Variants in DENND6A observed in about 807,000 individuals in gnomAD.
DENND6A encodes protein DENND6A.
In DENND6A, 43 loss-of-function variants were observed where a neutral mutation model predicts 95.5. The observed-to-expected ratio is 0.45, with a 90% CI of 0.35 to 0.58. The LOEUF (loss-of-function observed/expected upper bound fraction) is 0.58. Ranked by LOEUF, DENND6A falls within the 20% of genes least tolerant of loss-of-function variation. The pLI is 0.00. For missense variants in DENND6A, 574 were observed against 736.0 expected, an observed-to-expected ratio of 0.78 and a Z score of 2.55; for synonymous variants, 257 against 260.4, an observed-to-expected ratio of 0.99 and a Z score of 0.13.
At chr3:57,662,192 T>C (rs867867500) in intron 5 of DENND6A, among the ~76,000 whole-genome samples, 4 of 124,116 alleles carry the variant, frequency 3.2e-5, no homozygotes, top group South Asian at 2.7e-4. Context: ...TTTCTTTTTT[T>C]TTTTTTTTTT....
intron 4 of DENND6A, among the ~76,000 whole-genome samples, chr3:57,664,026 TAAAGTC>T (rs147695813): frequency 0.38 from 58,090 of 151,426 alleles, 12,381 homozygotes; most frequent in South Asian, 0.56. Flanking sequence ...ATCTAAGTAC[TAAAGTC>T]AAATTTTCCC....
chr3:57,659,925 C>A (rs1428696619), intron 7 of DENND6A, among the ~76,000 whole-genome samples: 2 of 152,186 alleles, frequency 1.3e-5, no homozygotes, highest in Non-Finnish European at 2.9e-5. Context: ...TCTCTGGAGG[C>A]ACTGGCAGGG....
At chr3:57,682,099 T>C (rs968270292) in intron 1 of DENND6A, among the ~76,000 whole-genome samples, 2 of 152,092 alleles carry the variant, frequency 1.3e-5, no homozygotes, top group East Asian at 1.9e-4. Flanking sequence ...TCAATAACCA[T>C]TGTTAAACCA....
At position 57,625,646 on chromosome 3, in the gene DENND6A, A is replaced by G. The variant is rs576521507; in HGVS notation, c.*2568T>C. ...CATAGTAACAAATTCTTCTTAAAAA[A>G]AAAAAGACAAATCTAAAAATCACGC... On this transcript the variant is annotated 3_prime_UTR_variant, in exon 20 of 20. Coordinates refer to ENST00000311128, the MANE Select transcript of DENND6A (RefSeq NM_152678.3). 6.5e-6 allele frequency: 1 copy of G among 152,686 alleles called. No homozygotes were observed. The highest frequency in any genetic ancestry group is 1.9e-4 in the East Asian group (1 of 5,178). The allele number at this position is 152,686 out of a possible 1,614,324, so 9.5% of individuals were successfully genotyped here.
At chr3:57,634,451 A>G (rs2070750481) in intron 14 of DENND6A, 107 bp downstream of exon 14, 3 of 479,914 alleles carry the variant, frequency 6.3e-6, no homozygotes, top group African/African-American at 2.2e-5. Flanking sequence ...AAAAAAAAAA[A>G]GGAGAGATCC....
At chr3:57,657,229 C>A (rs2071344538) in intron 9 of DENND6A, among the ~76,000 whole-genome samples, 1 of 152,020 alleles carries the variant, frequency 6.6e-6, no homozygotes, top group Non-Finnish European at 1.5e-5. Flanking sequence ...TGACATTTTT[C>A]AAACATACAG....
chr3:57,684,250 A>C (rs2077192110), intron 1 of DENND6A, among the ~76,000 whole-genome samples: 1 of 151,462 alleles, frequency 6.6e-6, no homozygotes, highest in South Asian at 2.1e-4. Context: ...TCACGAGGTC[A>C]GGAGTTTGAG....
At chr3:57,636,032 A>C (rs2070784806) in intron 12 of DENND6A, among the ~76,000 whole-genome samples, 1 of 152,216 alleles carries the variant, frequency 6.6e-6, no homozygotes, top group Admixed American at 6.5e-5. Context: ...CTTTATTATA[A>C]GGATACAATA....
At chr3:57,685,748 T>A (rs554454740) in intron 1 of DENND6A, among the ~76,000 whole-genome samples, 12 of 152,258 alleles carry the variant, frequency 7.9e-5, no homozygotes, top group African/African-American at 2.4e-4. Flanking sequence ...TAAAAAAAAA[T>A]TTGTTTTTCT....
At chr3:57,680,213 T>C (rs558555482) in intron 1 of DENND6A, among the ~76,000 whole-genome samples, 2 of 152,286 alleles carry the variant, frequency 1.3e-5, no homozygotes, top group South Asian at 2.1e-4. Flanking sequence ...CAGTAATACA[T>C]CTTCACAACC....
At chr3:57,658,286 T>C (rs1467748313) in intron 8 of DENND6A, among the ~76,000 whole-genome samples, 1 of 151,940 alleles carries the variant, frequency 6.6e-6, no homozygotes, top group African/African-American at 2.4e-5. Flanking sequence ...TCCTAGCACT[T>C]TGGGAATCCA....
At chr3:57,685,891 G>A (rs557069422) in intron 1 of DENND6A, among the ~76,000 whole-genome samples, 2 of 152,150 alleles carry the variant, frequency 1.3e-5, no homozygotes, top group Non-Finnish European at 2.9e-5. Context: ...TCTCAGAGAT[G>A]CCCAGAAGTC....
chr3:57,654,757 C>A lies in DENND6A; in HGVS notation c.818+2923G>T, dbSNP rs115323610. On this transcript the variant is annotated intron_variant, in intron 9 of 19. Transcript: ENST00000311128. ...TAGTGAAAGGAGCGCCTACACTCAA[C>A]TGTATCTCTGCTACTCAAATTCAAA... The A allele has an allele frequency of 2.9e-3, 2,876 of 985,354 alleles. 76 individuals carry two copies. The African/African-American group carries it at 0.046, about 16-fold the overall frequency. The allele number at this position is 985,354 out of a possible 1,614,324, so 61.0% of individuals were successfully genotyped here. A position where few individuals can be genotyped will look rare whatever the true frequency, so the allele number is the denominator to read the frequency against.
At chr3:57,668,075 A>G (rs905458794) in intron 3 of DENND6A, among the ~76,000 whole-genome samples, 1 of 152,108 alleles carries the variant, frequency 6.6e-6, no homozygotes, top group African/African-American at 2.4e-5. Flanking sequence ...AAAAAAAAAA[A>G]TTAGACTTTT....
intron 1 of DENND6A, among the ~76,000 whole-genome samples, chr3:57,686,273 C>T (rs2077210938): frequency 6.6e-6 from 1 of 152,140 alleles, no homozygotes; most frequent in Non-Finnish European, 1.5e-5. Context: ...ATACCCTTGG[C>T]TCTCAAACAG....
In DENND6A at chr3:57,645,698, T is replaced by C. The variant is rs143636565; in HGVS notation, c.1000A>G (p.Ser334Gly). The C allele has an allele frequency of 6.8e-6, 11 of 1,613,278 alleles. No individual in the cohort carries two copies. The highest frequency in any genetic ancestry group is 1.3e-5 in the African/African-American group (1 of 74,890). ...DFRPYFTIHDSEFKEYTTRTQ... is the reference protein window; with the variant it reads ...DFRPYFTIHDGEFKEYTTRTQ... Reference sequence around the variant, plus strand: ...CGGGTAGTATATTCTTTGAATTCACTATCATGAATAGTGAAATAAGGTCGG... The same window carrying C: ...CGGGTAGTATATTCTTTGAATTCACCATCATGAATAGTGAAATAAGGTCGG... Residue 334 changes from serine (S) to glycine (G), a missense_variant, in exon 11 of 20, where the codon AGT becomes GGT. This residue lies in a region of DENND6A where 452 missense variants were observed against 630.9 expected (regional missense o/e 0.72). Transcript: ENST00000311128.
chr3:57,641,578 A>G, intron 12 of DENND6A, 75 bp downstream of exon 12: 1 of 1,285,432 alleles, frequency 7.8e-7, no homozygotes, highest in South Asian at 1.6e-5. Flanking sequence ...CATAAAAAAT[A>G]ATCAAGGATG....
chr3:57,640,206 T>C (rs2070893967), intron 12 of DENND6A, among the ~76,000 whole-genome samples: 2 of 148,924 alleles, frequency 1.3e-5, no homozygotes, highest in African/African-American at 5.0e-5. Context: ...GAAGCAGAGA[T>C]TGCAGTGAGC....
chr3:57,644,670 C>T (rs1469082566), intron 11 of DENND6A, among the ~76,000 whole-genome samples: 1 of 115,614 alleles, frequency 8.6e-6, no homozygotes, highest in African/African-American at 3.3e-5. Flanking sequence ...GGTGGCAGAC[C>T]AGCCTGGGCA....
Sources: allele counts gnomAD v4.1 joint callset (sites outside exome capture counted in the v4.1 genomes callset), GRCh38; gene constraint gnomAD v4.1.1; regional missense constraint gnomAD v4.1.1; transcripts MANE v1.5; gene names NCBI Gene and HGNC (gene_info 2026-07-23, HGNC 2026-07-21).